BTRC: variants seen among roughly 807,000 people sequenced by gnomAD.
BTRC encodes the protein F-box/WD repeat-containing protein 1A.
Under a neutral mutation model 85.5 loss-of-function variants are expected in BTRC, and 42 were observed. That is an observed-to-expected ratio of 0.49 (90% CI 0.38 to 0.64). The LOEUF is 0.64. Ranked by LOEUF, BTRC falls within the 30% of genes least tolerant of loss-of-function variation. BTRC has a pLI of 0.00. For synonymous variants in BTRC, 255 were observed against 263.3 expected, an observed-to-expected ratio of 0.97 and a Z score of 0.30; for missense variants, 594 against 743.5, an observed-to-expected ratio of 0.80 and a Z score of 2.34.
intron 1 of BTRC, among the ~76,000 whole-genome samples, chr10:101,389,115 G>GT (rs1471017781): frequency 0.024 from 835 of 35,442 alleles, 177 homozygotes; most frequent in Middle Eastern, 0.1. Context: ...GATTTTTTGT[G>GT]TGTGTTTTTT....
At chr10:101,387,516 A>T in intron 1 of BTRC, among the ~76,000 whole-genome samples, 1 of 47,104 alleles carries the variant, frequency 2.1e-5, no homozygotes, top group Admixed American at 2.1e-4. Context: ...GGCTTTTTAT[A>T]CCTTCATGGG....
chr10:101,425,946 G>T (rs1944240346), intron 1 of BTRC, among the ~76,000 whole-genome samples: 1 of 152,122 alleles, frequency 6.6e-6, no homozygotes, highest in South Asian at 2.1e-4. Context: ...GTATTTTAAA[G>T]GTAAATTTTA....
chr10:101,498,040 G>A (rs1946308769), intron 4 of BTRC, among the ~76,000 whole-genome samples: 1 of 152,074 alleles, frequency 6.6e-6, no homozygotes, highest in African/African-American at 2.4e-5. Context: ...ATTAATTAAA[G>A]TTGAGATATA....
intron 1 of BTRC, among the ~76,000 whole-genome samples, chr10:101,360,618 G>A (rs1417445305): frequency 6.6e-5 from 10 of 150,404 alleles, no homozygotes; most frequent in Admixed American, 4.6e-4. Context: ...TGATCCGACC[G>A]CCTCGGCCTC....
chr10:101,483,631 C>G (rs1303486818), intron 4 of BTRC, among the ~76,000 whole-genome samples: 4 of 151,904 alleles, frequency 2.6e-5, no homozygotes, highest in Non-Finnish European at 5.9e-5. Context: ...CTATTTTATC[C>G]CTATAACTTA....
At chr10:101,527,755 TTCTCTGTCTC>T (rs1216207281) in intron 6 of BTRC, among the ~76,000 whole-genome samples, 2 of 95,290 alleles carry the variant, frequency 2.1e-5, no homozygotes, top group African/African-American at 1.1e-4. Flanking sequence ...CCCTGTCTCT[TTCTCTGTCTC>T]TCTCTCTCTC....
At chr10:101,427,173 A>G (rs1173100457) in intron 1 of BTRC, among the ~76,000 whole-genome samples, 1 of 131,094 alleles carries the variant, frequency 7.6e-6, no homozygotes, top group Non-Finnish European at 1.5e-5. Context: ...GCTGGAGTGC[A>G]GTGGCACAAT....
chr10:101,488,638 C>T (rs1049136569), intron 4 of BTRC, among the ~76,000 whole-genome samples: 3 of 152,074 alleles, frequency 2.0e-5, no homozygotes, highest in South Asian at 2.1e-4. Context: ...TGATTTGCAG[C>T]GTGTTAGTCT....
At position 101,554,247 on chromosome 10, in the gene BTRC, A is replaced by G. The variant is rs2062697068; in HGVS notation, c.*1124A>G. On this transcript the variant is annotated 3_prime_UTR_variant, in exon 15 of 15. Transcript: ENST00000370187. ...AAATCACTGGTAAGGCTCAGCCTAC[A>G]GAAAGATTTGAAATGGCCAGAGCCA... 1 of 152,238 alleles carries G rather than the reference A, an allele frequency of 6.6e-6. No homozygotes were observed. The highest frequency in any genetic ancestry group is 1.5e-5 in the Non-Finnish European group (1 of 68,036). The allele number at this position is 152,238 out of a possible 1,614,324, so 9.4% of individuals were successfully genotyped here. A position where few individuals can be genotyped will look rare whatever the true frequency, so the allele number is the denominator to read the frequency against.
At chr10:101,369,929 A>G (rs1368569186) in intron 1 of BTRC, among the ~76,000 whole-genome samples, 1 of 152,096 alleles carries the variant, frequency 6.6e-6, no homozygotes, top group East Asian at 1.9e-4. Context: ...CACACCCACT[A>G]TATAGATGCC....
chr10:101,484,359 C>T (rs561043249), intron 4 of BTRC, among the ~76,000 whole-genome samples: 1 of 152,312 alleles, frequency 6.6e-6, no homozygotes, highest in Admixed American at 6.5e-5. Flanking sequence ...TGCTGTTTTA[C>T]GAGCACAGAG....
chr10:101,463,963 A>G (rs972224862), intron 3 of BTRC, among the ~76,000 whole-genome samples: 2 of 151,904 alleles, frequency 1.3e-5, no homozygotes, highest in Non-Finnish European at 2.9e-5. Context: ...AAAAAAACAA[A>G]CAAAAATCCA....
chr10:101,434,375 G>A (rs1944474083), intron 2 of BTRC, among the ~76,000 whole-genome samples: 1 of 151,900 alleles, frequency 6.6e-6, no homozygotes, highest in Non-Finnish European at 1.5e-5. Flanking sequence ...TGGAACAATT[G>A]GATATCCTTG....
chr10:101,405,253 GA>G (rs560389277), intron 1 of BTRC, among the ~76,000 whole-genome samples: 85 of 142,160 alleles, frequency 6.0e-4, no homozygotes, highest in Non-Finnish European at 4.8e-4. Context: ...GAGGCTAGAG[GA>G]AAAAAAAAAA....
intron 4 of BTRC, among the ~76,000 whole-genome samples, chr10:101,506,433 A>C (rs1946543441): frequency 6.6e-6 from 1 of 152,054 alleles, no homozygotes; most frequent in South Asian, 2.1e-4. Flanking sequence ...TCAATATTAG[A>C]GTGTTCAGTC....
At chr10:101,453,000 C>T (rs1408151162) in intron 2 of BTRC, among the ~76,000 whole-genome samples, 2 of 152,138 alleles carry the variant, frequency 1.3e-5, no homozygotes, top group South Asian at 2.1e-4. Context: ...TTTAAACACA[C>T]ACACAGTGTT....
intron 7 of BTRC, among the ~76,000 whole-genome samples, chr10:101,531,700 G>C (rs370389340): frequency 6.7e-6 from 1 of 149,692 alleles, no homozygotes; most frequent in Non-Finnish European, 1.5e-5. Flanking sequence ...CCTCCTGAAC[G>C]ACAGAGCGAG....
At chr10:101,475,411 A>G (rs1394576125) in intron 3 of BTRC, among the ~76,000 whole-genome samples, 3 of 152,084 alleles carry the variant, frequency 2.0e-5, no homozygotes, top group African/African-American at 4.8e-5. Flanking sequence ...GTGGTGGCAC[A>G]TGTCTGTAAT....
intron 1 of BTRC, among the ~76,000 whole-genome samples, chr10:101,420,531 G>C (rs1944071948): frequency 6.6e-6 from 1 of 151,958 alleles, no homozygotes; most frequent in South Asian, 2.1e-4. Context: ...TGCCCTGTGT[G>C]GATGTGGACA....
Sources: gnomAD v4.1 joint callset for allele counts (sites outside exome capture counted in the v4.1 genomes callset) on GRCh38, gnomAD v4.1.1 for gene constraint, MANE v1.5 for transcripts, NCBI Gene and HGNC (gene_info 2026-07-23, HGNC 2026-07-21) for gene names.